Variants in NMNAT2 observed in about 807,000 individuals in gnomAD.
The protein encoded by NMNAT2 is nicotinamide nucleotide adenylyltransferase 2.
In NMNAT2, 11 loss-of-function variants were observed where a neutral mutation model predicts 41.6. The observed-to-expected ratio is 0.26, with a 90% confidence interval of 0.17 to 0.44. The LOEUF is 0.44. Ranked by LOEUF, NMNAT2 falls within the 20% of genes least tolerant of loss-of-function variation. NMNAT2 has a pLI of 1.00. For missense variants in NMNAT2, 288 were observed against 407.7 expected (o/e 0.71, Z 2.53); for synonymous variants, 148 against 151.2 (o/e 0.98, Z 0.16).
chr1:183,331,903 T>C (rs894373725), intron 1 of NMNAT2, among the ~76,000 whole-genome samples: 5 of 152,222 alleles, frequency 3.3e-5, no homozygotes, highest in African/African-American at 1.2e-4. Context: ...TTCTCCTGCC[T>C]CAGCCTCATA....
chr1:183,280,211 AG>A (rs1263678233), intron 7 of NMNAT2, among the ~76,000 whole-genome samples: 1 of 152,278 alleles, frequency 6.6e-6, no homozygotes, highest in African/African-American at 2.4e-5. Flanking sequence ...GTTGTTCCTC[AG>A]GCCCACTTGG....
chr1:183,409,276 T>A (rs1422533754), intron 1 of NMNAT2, among the ~76,000 whole-genome samples: 4 of 152,202 alleles, frequency 2.6e-5, no homozygotes, highest in African/African-American at 9.6e-5. Context: ...TTGAGTTTTT[T>A]AAATGGTAAA....
At chr1:183,371,566 G>A (rs1283293299) in intron 1 of NMNAT2, among the ~76,000 whole-genome samples, 1 of 152,106 alleles carries the variant, frequency 6.6e-6, no homozygotes, top group African/African-American at 2.4e-5. Context: ...TGTGAAGGGG[G>A]GAGTCTGTGG....
At chr1:183,308,252 A>G (rs1662039638) in intron 1 of NMNAT2, among the ~76,000 whole-genome samples, 1 of 152,250 alleles carries the variant, frequency 6.6e-6, no homozygotes, top group South Asian at 2.1e-4. Context: ...CTGATGTGAA[A>G]TAAGATACCA....
intron 1 of NMNAT2, among the ~76,000 whole-genome samples, chr1:183,411,650 A>G (rs1649121425): frequency 6.6e-6 from 1 of 152,238 alleles, no homozygotes; most frequent in African/African-American, 2.4e-5. Context: ...GCACTGTCCT[A>G]GGAGCCTGAG....
At chr1:183,347,280 G>T (rs962906799) in intron 1 of NMNAT2, among the ~76,000 whole-genome samples, 1 of 152,016 alleles carries the variant, frequency 6.6e-6, no homozygotes, top group Non-Finnish European at 1.5e-5. Context: ...ATAGTGAGAT[G>T]CCATCTCTAC....
At position 183,283,871 on chromosome 1, in the gene NMNAT2, G is replaced by A. The variant is rs749148066; in HGVS notation, c.574+124C>T. 476 of 895,522 alleles carry A rather than the reference G, an allele frequency of 5.3e-4. 2 individuals carry two copies. Among genetic ancestry groups the A allele is most frequent in the Non-Finnish European group, 7.6e-4 (411 of 539,916 alleles). 55.5% of individuals were successfully genotyped at this position (895,522 alleles called of 1,614,324 possible). On this transcript the variant is annotated intron_variant, in intron 7 of 10. Coordinates refer to ENST00000287713, the MANE Select transcript of NMNAT2 (RefSeq NM_015039.4). ...TTAGCCTGGGAACGATCCCTCTTCC[G>A]AGAGGAGACCCTGCTGCAAAACAGT...
At chr1:183,314,536 G>A (rs1662198222) in intron 1 of NMNAT2, among the ~76,000 whole-genome samples, 1 of 152,212 alleles carries the variant, frequency 6.6e-6, no homozygotes, top group Admixed American at 6.5e-5. Flanking sequence ...CTCAGTTACT[G>A]TTTGTTGGGT....
chr1:183,277,796 C>A (rs539241420), intron 8 of NMNAT2, among the ~76,000 whole-genome samples: 24 of 152,138 alleles, frequency 1.6e-4, no homozygotes, highest in Admixed American at 1.0e-3. Flanking sequence ...AACAAACAAA[C>A]AAAAAAACTG....
At chr1:183,288,627 G>T (rs977167612) in intron 4 of NMNAT2, among the ~76,000 whole-genome samples, 1 of 152,186 alleles carries the variant, frequency 6.6e-6, no homozygotes, top group East Asian at 1.9e-4. Flanking sequence ...ATGCCTGCAG[G>T]GTCCCCTTTC....
intron 10 of NMNAT2, among the ~76,000 whole-genome samples, chr1:183,259,562 T>C (rs1660604066): frequency 6.6e-6 from 1 of 152,166 alleles, no homozygotes; most frequent in South Asian, 2.1e-4. Flanking sequence ...CATAGTCTTC[T>C]CTTCTTGACT....
chr1:183,417,082 C>G (rs1261683772), intron 1 of NMNAT2, among the ~76,000 whole-genome samples: 1 of 152,222 alleles, frequency 6.6e-6, no homozygotes, highest in African/African-American at 2.4e-5. Flanking sequence ...CTTCTCAATT[C>G]CTGCTTCTAA....
chr1:183,413,773 A>T (rs991212518), intron 1 of NMNAT2, among the ~76,000 whole-genome samples: 8 of 151,464 alleles, frequency 5.3e-5, no homozygotes, highest in African/African-American at 1.9e-4. Flanking sequence ...CGCCCAGCTA[A>T]TTTTTTTGTG....
chr1:183,319,795 G>T (rs1044628798), intron 1 of NMNAT2, among the ~76,000 whole-genome samples: 1 of 152,204 alleles, frequency 6.6e-6, no homozygotes, highest in Non-Finnish European at 1.5e-5. Context: ...ATAGCTGTGG[G>T]GTTGAGAGTG....
chr1:183,327,618 G>A (rs530737202), intron 1 of NMNAT2, among the ~76,000 whole-genome samples: 8 of 152,300 alleles, frequency 5.3e-5, no homozygotes, highest in Non-Finnish European at 1.0e-4. Flanking sequence ...CGTTTCCAAC[G>A]GAGTGGTGGG....
intron 8 of NMNAT2, 31 bp downstream of exon 8, chr1:183,278,522 C>G: frequency 6.6e-7 from 1 of 1,526,204 alleles, no homozygotes; most frequent in Non-Finnish European, 9.1e-7. Flanking sequence ...CCAGTCCCAG[C>G]TGGGTGCCAG....
At chr1:183,319,495 C>T (rs778539311) in intron 1 of NMNAT2, among the ~76,000 whole-genome samples, 1 of 152,228 alleles carries the variant, frequency 6.6e-6, no homozygotes, top group Non-Finnish European at 1.5e-5. Context: ...AGGAGAGTCA[C>T]AAGCAGGCTG....
intron 8 of NMNAT2, among the ~76,000 whole-genome samples, chr1:183,265,799 C>T (rs1558109833): frequency 1.3e-5 from 2 of 152,160 alleles, no homozygotes; most frequent in African/African-American, 2.4e-5. Context: ...TCTCTGGAAC[C>T]TGTGAATATG....
At chr1:183,399,369 T>C (rs1480888888) in intron 1 of NMNAT2, among the ~76,000 whole-genome samples, 1 of 152,164 alleles carries the variant, frequency 6.6e-6, no homozygotes, top group African/African-American at 2.4e-5. Flanking sequence ...CAGGAAGAAG[T>C]TGAATCCTTG....
Sources: allele counts gnomAD v4.1 joint callset (sites outside exome capture counted in the v4.1 genomes callset), GRCh38; gene constraint gnomAD v4.1.1; transcripts MANE v1.5; gene names NCBI Gene and HGNC (gene_info 2026-07-23, HGNC 2026-07-21).